Variants in PVT1 observed in about 807,000 individuals in gnomAD.
PVT1 encodes the protein CXCR4/PVT1 fusion.
intron 4 of PVT1, among the ~76,000 whole-genome samples, chr8:128,035,108 C>T (rs1813445558): frequency 6.6e-6 from 1 of 152,180 alleles, no homozygotes; most frequent in African/African-American, 2.4e-5. Context: ...GCAGGCTTCT[C>T]TTCTGTCTGG....
intron 3 of PVT1, among the ~76,000 whole-genome samples, chr8:127,952,174 T>C (rs1299345898): frequency 6.6e-6 from 1 of 152,180 alleles, no homozygotes; most frequent in Non-Finnish European, 1.5e-5. Context: ...TGAATTTCCT[T>C]CTGCAATGCC....
At chr8:127,833,372 T>C (rs569593888) in intron 2 of PVT1, among the ~76,000 whole-genome samples, 19 of 152,302 alleles carry the variant, frequency 1.2e-4, no homozygotes, top group Admixed American at 5.2e-4. Context: ...TCCTCTCTCC[T>C]GCCCTCTATC....
chr8:128,025,900 G>A (rs887526732), intron 4 of PVT1, among the ~76,000 whole-genome samples: 3 of 151,862 alleles, frequency 2.0e-5, no homozygotes, highest in Non-Finnish European at 4.4e-5. Flanking sequence ...TGTAGAATAA[G>A]TATCAGAGCA....
At chr8:128,012,220 A>C (rs138244273) in intron 4 of PVT1, among the ~76,000 whole-genome samples, 9 of 152,284 alleles carry the variant, frequency 5.9e-5, no homozygotes, top group African/African-American at 2.2e-4. Context: ...AGAGGAATAC[A>C]TGGGCAGAGT....
At chr8:128,090,113 C>T (rs1388770065) in intron 5 of PVT1, among the ~76,000 whole-genome samples, 1 of 152,116 alleles carries the variant, frequency 6.6e-6, no homozygotes, top group Admixed American at 6.5e-5. Flanking sequence ...GGATGGGGAC[C>T]TGAATGTTTA....
intron 3 of PVT1, among the ~76,000 whole-genome samples, chr8:127,905,709 C>T (rs1156607198): frequency 1.3e-5 from 2 of 152,150 alleles, no homozygotes; most frequent in East Asian, 1.9e-4. Flanking sequence ...GCTGTAGCAA[C>T]ACTGTGAGGT....
intron 2 of PVT1, among the ~76,000 whole-genome samples, chr8:127,867,182 T>C (rs1815294392): frequency 1.3e-5 from 2 of 152,246 alleles, no homozygotes; most frequent in Non-Finnish European, 2.9e-5. Flanking sequence ...CCAGGGATAC[T>C]GCCTGGGCAT....
chr8:127,807,205 T>C (rs1428173959), intron 2 of PVT1, among the ~76,000 whole-genome samples: 2 of 152,144 alleles, frequency 1.3e-5, no homozygotes, highest in Admixed American at 6.6e-5. Context: ...AAAGTGAAGG[T>C]TTAAAAAATG....
intron 2 of PVT1, among the ~76,000 whole-genome samples, chr8:127,878,015 C>A (rs9656968): frequency 0.19 from 29,590 of 152,116 alleles, 3,171 homozygotes; most frequent in Non-Finnish European, 0.25. Flanking sequence ...TATTTGGAAT[C>A]TTCAAGTGCA....
At chr8:127,983,133 C>G (rs1253124957) in intron 3 of PVT1, among the ~76,000 whole-genome samples, 2 of 152,142 alleles carry the variant, frequency 1.3e-5, no homozygotes, top group African/African-American at 2.4e-5. Context: ...CCTCTGGCCT[C>G]CTGTTGAGGC....
intron 3 of PVT1, among the ~76,000 whole-genome samples, chr8:127,982,666 A>ATTAG (rs1816897428): frequency 6.9e-6 from 1 of 145,822 alleles, no homozygotes; most frequent in Admixed American, 6.6e-5. Context: ...TAATTAATTA[A>ATTAG]TTAATTAATT....
chr8:127,982,490 C>T (rs558324163), intron 3 of PVT1, among the ~76,000 whole-genome samples: 1 of 151,944 alleles, frequency 6.6e-6, no homozygotes, highest in African/African-American at 2.4e-5. Context: ...GTAACTTTGT[C>T]AATTTCTTTT....
chr8:127,874,275 G>A (rs188690928), intron 2 of PVT1, among the ~76,000 whole-genome samples: 11 of 152,290 alleles, frequency 7.2e-5, no homozygotes, highest in East Asian at 3.9e-4. Context: ...GCTGAGAGTC[G>A]CAAGGGGTTA....
At chr8:128,009,998 A>G (rs1366225570) in intron 4 of PVT1, among the ~76,000 whole-genome samples, 3 of 152,226 alleles carry the variant, frequency 2.0e-5, no homozygotes, top group East Asian at 3.8e-4. Flanking sequence ...ATCTTTTGCT[A>G]AGAGTTAGAA....
At chr8:127,997,887 G>T (rs146936769) in intron 4 of PVT1, among the ~76,000 whole-genome samples, 72 of 152,340 alleles carry the variant, frequency 4.7e-4, no homozygotes, top group African/African-American at 1.7e-3. Context: ...CGCTTTCTCA[G>T]ACTCTCCTGG....
chr8:127,834,118 T>G (rs1187289255), intron 2 of PVT1, among the ~76,000 whole-genome samples: 2 of 152,226 alleles, frequency 1.3e-5, no homozygotes, highest in South Asian at 2.1e-4. Context: ...TCACCTACAC[T>G]TATTAACTAG....
At chr8:127,918,135 T>C (rs931174176) in intron 3 of PVT1, among the ~76,000 whole-genome samples, 1 of 152,256 alleles carries the variant, frequency 6.6e-6, no homozygotes, top group African/African-American at 2.4e-5. Flanking sequence ...ATCTCTGCCA[T>C]GACTCGGGGG....
chr8:128,016,756 G>T (rs935645856), intron 4 of PVT1, among the ~76,000 whole-genome samples: 1 of 152,150 alleles, frequency 6.6e-6, no homozygotes. Flanking sequence ...CAGGTGACAC[G>T]ACATGGTTAT....
At chr8:128,011,472 G>A (rs75325490) in intron 4 of PVT1, among the ~76,000 whole-genome samples, 2 of 152,114 alleles carry the variant, frequency 1.3e-5, no homozygotes, top group African/African-American at 2.4e-5. Context: ...TCTCTGCTAC[G>A]TGAGGACACA....
Sources: allele counts gnomAD v4.1 joint callset (sites outside exome capture counted in the v4.1 genomes callset), GRCh38; gene constraint gnomAD v4.1.1; transcripts MANE v1.5; gene names NCBI Gene and HGNC (gene_info 2026-07-23, HGNC 2026-07-21).